The following PGM2 variants were observed in gnomAD, a reference collection of about 807,000 sequenced individuals.
PGM2 encodes the protein phosphopentomutase.
Under a neutral mutation model 74.6 loss-of-function variants are expected in PGM2, and 57 were observed. That is an observed-to-expected ratio of 0.76 (90% CI 0.62 to 0.95). The LOEUF is 0.95. PGM2 is among the 40% of genes least tolerant of loss of function. PGM2 has a pLI of 0.00. For synonymous variants in PGM2, 273 were observed against 260.7 expected (o/e 1.05, Z -0.46); for missense variants, 706 against 741.9 (o/e 0.95, Z 0.56).
chr4:37,833,262 A>G (rs1725481500), intron 2 of PGM2, among the ~76,000 whole-genome samples: 1 of 152,230 alleles, frequency 6.6e-6, no homozygotes, highest in South Asian at 2.1e-4. Context: ...CCTACCCAAA[A>G]TAAAAATTAT....
At chr4:37,858,252 G>A (rs930821186) in intron 13 of PGM2, among the ~76,000 whole-genome samples, 2 of 152,036 alleles carry the variant, frequency 1.3e-5, no homozygotes, top group African/African-American at 4.8e-5. Flanking sequence ...GACATTAAGC[G>A]CTATGTCAGT....
rs950393881 is a variant in PGM2, at chr4:37,835,041, C to CTT, written c.356+318_356+319dup. ...TGCTATTCATAAACCTCATGACCCCCTTCCCTCTCTTGAACGCCCACGTCA... is the reference window on the plus strand; with the variant it reads ...TGCTATTCATAAACCTCATGACCCCCTTTTCCCTCTCTTGAACGCCCACGTCA... On this transcript the variant is annotated intron_variant, in intron 3 of 13. Transcript: ENST00000381967. Among the ~76,000 whole-genome samples, 21 of 152,278 alleles carry CTT rather than the reference C, an allele frequency of 1.4e-4. 1 individual carries two copies. The highest frequency in any genetic ancestry group is 1.2e-3 in the South Asian group (6 of 4,828).
At position 37,855,693 on chromosome 4, in the gene PGM2, A is replaced by T. The variant is rs753090226; in HGVS notation, c.1688A>T (p.Glu563Val). The T allele has an allele frequency of 6.2e-7, 1 of 1,614,134 alleles. No homozygotes were observed. The change falls in exon 13 of 14, where the codon GAG (glutamate) becomes GTG (valine). Residue 563 changes from glutamate (E) to valine (V), a missense_variant. By Grantham distance (121) the Glu-to-Val change is moderately radical. This residue lies in a region of PGM2 where 359 missense variants were observed against 371.1 expected (regional missense o/e 0.97). Transcript: ENST00000381967. ...GCCACCATGCGCACCAGTGGGACAGAGCCCAAAATCAAGTACTATGCAGAG... is the reference window on the plus strand; with the variant it reads ...GCCACCATGCGCACCAGTGGGACAGTGCCCAAAATCAAGTACTATGCAGAG... The part of the protein sequence containing the change: ...GVATMRTSGT[E>V]PKIKYYAELC...
intron 12 of PGM2, among the ~76,000 whole-genome samples, chr4:37,853,030 A>ATG (rs1233780264): frequency 6.6e-6 from 1 of 152,128 alleles, no homozygotes; most frequent in African/African-American, 2.4e-5. Context: ...TCCAAGACTG[A>ATG]TGTTCTACTT....
Position 37,834,694 on chromosome 4 carries a change from C to A in PGM2, c.326C>A (p.Ala109Asp). ...ATCGTGATCAGTTTTGACGCCCGAG[C>A]TCATCCATCCAGTGGGGGTAGCAGC... ...KGIVISFDARAHPSSGGSSRR... is the reference protein window; with the variant it reads ...KGIVISFDARDHPSSGGSSRR... Residue 109 changes from alanine (A) to aspartate (D), a missense_variant, in exon 3 of 14, where the codon GCT becomes GAT. Physicochemically the swap from Ala to Asp is moderately radical, Grantham distance 126 (BLOSUM62 -2). Transcript: ENST00000381967. 1 of 1,578,354 alleles carries A rather than the reference C, an allele frequency of 6.3e-7. No homozygotes were observed. The highest frequency in any genetic ancestry group is 8.7e-7 in the Non-Finnish European group (1 of 1,149,408).
intron 4 of PGM2, among the ~76,000 whole-genome samples, chr4:37,839,278 A>C (rs998761380): frequency 6.6e-6 from 1 of 151,638 alleles, no homozygotes; most frequent in Non-Finnish European, 1.5e-5. Flanking sequence ...ATGCCTGGCT[A>C]ATTTTTTTGT....
rs1725935453 is a variant in PGM2 at position 37,848,371 on chromosome 4, A to T, written c.1283-151A>T. 1.2e-5 allele frequency: 7 copies of T among 595,388 alleles called. 1 individual carries two copies. In the South Asian group the frequency reaches 2.0e-4, roughly 17 times the overall value. 36.9% of individuals were successfully genotyped at this position (595,388 alleles called of 1,614,324 possible). On this transcript the variant is annotated intron_variant, in intron 10 of 13. Coordinates refer to ENST00000381967, the MANE Select transcript of PGM2 (RefSeq NM_018290.4). ...CTTGAAGGCCTGCTATGGGCTAGGC[A>T]CTGGGCTAAATTCCTAAACATAAGG...
chr4:37,829,907 A>G, intron 1 of PGM2, 57 bp from the exon 2 acceptor site: 15 of 999,402 alleles, frequency 1.5e-5, no homozygotes, highest in Non-Finnish European at 2.2e-5. Flanking sequence ...GAATTTTTTT[A>G]CATTTCTGAT....
At chr4:37,827,889 T>C (rs902743448) in intron 1 of PGM2, among the ~76,000 whole-genome samples, 17 of 152,202 alleles carry the variant, frequency 1.1e-4, no homozygotes, top group African/African-American at 3.1e-4. Context: ...CCCACTTTCA[T>C]TGTGCACTGG....
chr4:37,839,869 A>C lies in PGM2; in HGVS notation c.463A>C (p.Lys155Gln), dbSNP rs753888724. 2 of 1,600,968 alleles carry C rather than the reference A, an allele frequency of 1.2e-6. No individual in the cohort carries two copies. Among genetic ancestry groups the C allele is most frequent in the Non-Finnish European group, 1.7e-6 (2 of 1,168,044 alleles). The change falls in exon 5 of 14, where the codon AAA becomes CAA. Residue 155 changes from lysine to glutamine, a missense_variant. By Grantham distance (53) the Lys-to-Gln change is moderately conservative. Transcript: ENST00000381967. ...PFVPFTVSHLKLCAGIMITAS... is the reference protein window; with the variant it reads ...PFVPFTVSHLQLCAGIMITAS... ...ACAGCCCTTCACAGTATCACATTTG[A>C]AACTTTGTGCTGGAATCATGATAAC...
At chr4:37,847,640 C>T (rs2152179144) in intron 10 of PGM2, among the ~76,000 whole-genome samples, 1 of 152,302 alleles carries the variant, frequency 6.6e-6, no homozygotes, top group East Asian at 1.9e-4. Flanking sequence ...TAATGTCCCT[C>T]CTCCTCCAAA....
rs574202633 is a variant in PGM2 at position 37,857,620 on chromosome 4, C to T, written c.1736+1879C>T. Among the ~76,000 whole-genome samples, 7 of 152,262 alleles carry T rather than the reference C, an allele frequency of 4.6e-5. No homozygotes were observed. The South Asian group carries it at 8.3e-4, about 18-fold the overall frequency. ...CCCAGAATACAGCTCCACTCCAACA[C>T]AGTCATGCTTATGGCTCTCAAATGT... On this transcript the variant is annotated intron_variant, in intron 13 of 13. Transcript: ENST00000381967.
chr4:37,835,664 G>A lies in PGM2; in HGVS notation c.356+940G>A, dbSNP rs1231962335. On this transcript the variant is annotated intron_variant, in intron 3 of 13. Coordinates refer to ENST00000381967, the MANE Select transcript of PGM2 (RefSeq NM_018290.4). ...TTATTAGCTTTACAGAGCTGGATGA[G>A]TTTATAGAGTCCTATCTTTGCCCAT... Among the ~76,000 whole-genome samples, 4 of 152,144 alleles carry A rather than the reference G, an allele frequency of 2.6e-5. No individual in the cohort carries two copies. The East Asian group carries it at 7.7e-4, about 29-fold the overall frequency.
chr4:37,860,066 A>G (rs1711711638), intron 13 of PGM2, among the ~76,000 whole-genome samples: 1 of 152,202 alleles, frequency 6.6e-6, no homozygotes, highest in East Asian at 1.9e-4. Context: ...ATAAAATGCA[A>G]TATCAAAAAC....
chr4:37,849,445 C>T (rs1018214374), intron 11 of PGM2, among the ~76,000 whole-genome samples: 7 of 116,056 alleles, frequency 6.0e-5, no homozygotes, highest in African/African-American at 2.3e-4. Flanking sequence ...CGGGGTCTTG[C>T]TCTGTCACCA....
intron 13 of PGM2, among the ~76,000 whole-genome samples, chr4:37,857,918 TTTAG>T (rs1711583875): frequency 6.6e-6 from 1 of 152,218 alleles, no homozygotes; most frequent in Admixed American, 6.6e-5. Context: ...TTCTTGCTTA[TTTAG>T]TGTTTTCTTA....
chr4:37,855,515 G>C lies in PGM2; in HGVS notation c.1603-93G>C, dbSNP rs1217111683. 4 of 1,117,116 alleles carry C rather than the reference G, an allele frequency of 3.6e-6. No individual in the cohort carries two copies. The African/African-American group carries it at 6.4e-5, about 18-fold the overall frequency. The allele number at this position is 1,117,116 out of a possible 1,614,324, so 69.2% of individuals were successfully genotyped here. A position where few individuals can be genotyped will look rare whatever the true frequency, so the allele number is the denominator to read the frequency against. On this transcript the variant is annotated intron_variant, in intron 12 of 13. Transcript: ENST00000381967. ...TTTTTCTTTTCTAACCAATAGATTT[G>C]TTTGGCATTTATTTTCTTACTTATG...
chr4:37,855,739 C>T lies in PGM2; in HGVS notation c.1734C>T (p.Asn578=). Residue 578 remains asparagine, a splice_region_variant and synonymous_variant, in exon 13 of 14, where the codon AAC becomes AAT. Transcript: ENST00000381967. ...YYAELCAPPG[N]SDPEQLKKEL... is the part of the protein sequence containing the mutation. ...CAGAGCTGTGTGCCCCACCTGGGAA[C>T]AGGTATGATGTGGATGGCAGCTGGT... The T allele has an allele frequency of 7.5e-6, 12 of 1,609,652 alleles. No individual in the cohort carries two copies. Among genetic ancestry groups the T allele is most frequent in the South Asian group, 2.2e-5 (2 of 90,276 alleles).
At chr4:37,849,703 C>T (rs888784278) in intron 11 of PGM2, among the ~76,000 whole-genome samples, 1 of 152,066 alleles carries the variant, frequency 6.6e-6, no homozygotes, top group African/African-American at 2.4e-5. Context: ...GCCACTGTGC[C>T]TGGCCTAGAC....
Sources: gnomAD v4.1 joint callset for allele counts (sites outside exome capture counted in the v4.1 genomes callset) on GRCh38, gnomAD v4.1.1 for gene constraint, gnomAD v4.1.1 regional missense constraint, MANE v1.5 for transcripts, NCBI Gene and HGNC (gene_info 2026-07-23, HGNC 2026-07-21) for gene names.